Variants in MAML2 observed in about 807,000 individuals in gnomAD.
MAML2 encodes mastermind-like protein 2.
A neutral mutation model predicts 96.1 loss-of-function variants in MAML2; 22 were observed. The observed-to-expected ratio is 0.23, with a 90% CI of 0.16 to 0.33. MAML2 has a LOEUF of 0.33. Ranked by LOEUF, MAML2 falls within the 10% of genes least tolerant of loss-of-function variation. The probability of loss-of-function intolerance (pLI) is 1.00; values close to 1 mark genes in which losing one functional copy is unlikely to be tolerated. For missense variants in MAML2, 1,367 were observed against 1,392.4 expected, an observed-to-expected ratio of 0.98 and a Z score of 0.29; for synonymous variants, 561 against 521.3, an observed-to-expected ratio of 1.08 and a Z score of -1.04.
chr11:96,081,836 G>C (rs1859533612), intron 2 of MAML2, among the ~76,000 whole-genome samples: 1 of 152,198 alleles, frequency 6.6e-6, no homozygotes, highest in Admixed American at 6.5e-5. Context: ...GGGAATTTAA[G>C]TAAGTTGGCC....
chr11:96,311,990 C>T (rs1336087873), intron 1 of MAML2, among the ~76,000 whole-genome samples: 1 of 151,948 alleles, frequency 6.6e-6, no homozygotes, highest in Non-Finnish European at 1.5e-5. Context: ...CCTGTAATCC[C>T]AGCACTTTGG....
At chr11:96,026,600 C>T (rs1484488828) in intron 2 of MAML2, among the ~76,000 whole-genome samples, 1 of 152,060 alleles carries the variant, frequency 6.6e-6, no homozygotes, top group African/African-American at 2.4e-5. Context: ...CTTTATGTAA[C>T]CCTCTCTACA....
intron 2 of MAML2, among the ~76,000 whole-genome samples, chr11:96,022,548 G>A (rs1858451653): frequency 6.6e-6 from 1 of 152,150 alleles, no homozygotes; most frequent in South Asian, 2.1e-4. Flanking sequence ...TGTGACAGTG[G>A]TTGGATTTAG....
chr11:96,151,832 C>T (rs1382182477), intron 1 of MAML2, among the ~76,000 whole-genome samples: 1 of 152,194 alleles, frequency 6.6e-6, no homozygotes, highest in Non-Finnish European at 1.5e-5. Flanking sequence ...TACTCAGTCT[C>T]AGGTATTTTT....
At chr11:96,004,591 A>T (rs550041294) in intron 2 of MAML2, among the ~76,000 whole-genome samples, 1 of 152,240 alleles carries the variant, frequency 6.6e-6, no homozygotes, top group South Asian at 2.1e-4. Flanking sequence ...GTGATATCCC[A>T]TGAGAATATA....
intron 1 of MAML2, among the ~76,000 whole-genome samples, chr11:96,186,955 A>G (rs968992163): frequency 3.9e-5 from 6 of 152,330 alleles, no homozygotes; most frequent in South Asian, 4.1e-4. Flanking sequence ...TCAAAGACAC[A>G]AGTTTCACTC....
intron 2 of MAML2, among the ~76,000 whole-genome samples, chr11:96,076,144 CGTTTGAAAT>C (rs1859430746): frequency 6.6e-6 from 1 of 152,140 alleles, no homozygotes; most frequent in Non-Finnish European, 1.5e-5. Flanking sequence ...TCCTCATAGT[CGTTTGAAAT>C]ATCATCAAGC....
At chr11:96,232,677 TAGCC>T (rs1862312396) in intron 1 of MAML2, among the ~76,000 whole-genome samples, 1 of 152,156 alleles carries the variant, frequency 6.6e-6, no homozygotes, top group Admixed American at 6.5e-5. Flanking sequence ...TTCACCGTGT[TAGCC>T]AGGACGGTCT....
intron 1 of MAML2, among the ~76,000 whole-genome samples, chr11:96,199,221 A>G (rs796356783): frequency 5.4e-4 from 76 of 141,526 alleles, no homozygotes; most frequent in African/African-American, 1.8e-3. Context: ...AAAAAAAAAA[A>G]AGAGAGGGGT....
At chr11:96,183,778 C>T (rs1184810855) in intron 1 of MAML2, among the ~76,000 whole-genome samples, 5 of 152,172 alleles carry the variant, frequency 3.3e-5, no homozygotes, top group Non-Finnish European at 7.4e-5. Flanking sequence ...GAAGAAATTA[C>T]AGAGTTCCAC....
chr11:96,004,164 C>T (rs1440812781), intron 2 of MAML2, among the ~76,000 whole-genome samples: 3 of 151,974 alleles, frequency 2.0e-5, no homozygotes, highest in African/African-American at 4.8e-5. Flanking sequence ...TTTTCCATTC[C>T]TCTAGAAATA....
chr11:96,199,893 T>G (rs777018420), intron 1 of MAML2, among the ~76,000 whole-genome samples: 1 of 152,196 alleles, frequency 6.6e-6, no homozygotes, highest in Non-Finnish European at 1.5e-5. Context: ...TCCCTCTATA[T>G]TTTATCAATT....
At chr11:96,181,363 G>C (rs3016377) in intron 1 of MAML2, among the ~76,000 whole-genome samples, 21,001 of 152,164 alleles carry the variant, frequency 0.14, 1,529 homozygotes, top group East Asian at 0.24. Context: ...AATGCTTCAT[G>C]AGAGGATAAT....
In MAML2 at chr11:96,056,861, A is replaced by G. The variant is rs75107309; in HGVS notation, c.2139+35031T>C. Among the ~76,000 whole-genome samples, 157 of 152,326 alleles carry G rather than the reference A, an allele frequency of 1.0e-3. 3 individuals carry two copies. In the East Asian group the frequency reaches 0.027, roughly 26 times the overall value. On this transcript the variant is annotated intron_variant, in intron 2 of 4. Coordinates refer to ENST00000524717, the MANE Select transcript of MAML2 (RefSeq NM_032427.4). The stretch of plus-strand genomic sequence containing the variant: ...CAAATCTTTTCATTCAAAAAATAAT[A>G]ATGTGGACAAGCCATTTTGACTGCA...
At chr11:96,148,701 CACACACAT>C (rs1179981111) in intron 1 of MAML2, among the ~76,000 whole-genome samples, 4 of 144,444 alleles carry the variant, frequency 2.8e-5, no homozygotes, top group East Asian at 1.9e-4. Context: ...CACACACACA[CACACACAT>C]AAGCACGCAC....
chr11:95,997,751 G>A (rs751045164), intron 2 of MAML2, among the ~76,000 whole-genome samples: 4 of 152,024 alleles, frequency 2.6e-5, no homozygotes, highest in Non-Finnish European at 4.4e-5. Context: ...AAGTGGTCCC[G>A]AGCCCACTCT....
At chr11:96,047,048 G>A (rs1473196316) in intron 2 of MAML2, among the ~76,000 whole-genome samples, 2 of 152,182 alleles carry the variant, frequency 1.3e-5, no homozygotes, top group Non-Finnish European at 2.9e-5. Context: ...TAAATAGACA[G>A]AAACAAAATT....
At position 96,092,802 on chromosome 11, in the gene MAML2, C is replaced by G; in HGVS notation, c.1229G>C (p.Ser410Thr). 2 of 1,611,372 alleles carry G rather than the reference C, an allele frequency of 1.2e-6. No homozygotes were observed. The highest frequency in any genetic ancestry group is 1.1e-5 in the South Asian group (1 of 90,738). Residue 410 changes from serine (S) to threonine (T), a missense_variant, in exon 2 of 5, where the codon AGC becomes ACC. Ser to Thr is a moderately conservative substitution (Grantham distance 58). Coordinates refer to ENST00000524717, the MANE Select transcript of MAML2 (RefSeq NM_032427.4). The surrounding 1 kb of genome is among the most constrained non-coding windows in gnomAD (Gnocchi z 4.1). ...GGAGCCTGTCTGAGGCTGAGCCTGGCTCTGAGGGACTGAAGGGATTGGAGA... is the reference window on the plus strand; with the variant it reads ...GGAGCCTGTCTGAGGCTGAGCCTGGGTCTGAGGGACTGAAGGGATTGGAGA... ...TSSPIPSVPQ[S>T]QAQPQTGSGA...
intron 2 of MAML2, among the ~76,000 whole-genome samples, chr11:96,059,091 A>G (rs1284859883): frequency 6.6e-6 from 1 of 152,220 alleles, no homozygotes; most frequent in Non-Finnish European, 1.5e-5. Flanking sequence ...CAAAAATGAT[A>G]ATAGCAATAA....
Sources: allele counts gnomAD v4.1 joint callset (sites outside exome capture counted in the v4.1 genomes callset), GRCh38; gene constraint gnomAD v4.1.1; non-coding constraint Gnocchi (gnomAD v3.1); transcripts MANE v1.5; gene names NCBI Gene and HGNC (gene_info 2026-07-23, HGNC 2026-07-21).